Variants in ENC1 observed in about 807,000 individuals in gnomAD.
The protein encoded by ENC1 is ectoderm-neural cortex protein 1.
ENC1 carries 19 observed loss-of-function variants against 40.9 expected under a neutral mutation model. The observed-to-expected ratio is 0.46, with a 90% CI of 0.32 to 0.68. The LOEUF is 0.68. Ranked by LOEUF, ENC1 falls within the 30% of genes least tolerant of loss-of-function variation. The pLI is 0.03. For missense variants in ENC1, 479 were observed against 737.5 expected (o/e 0.65, Z 4.06); for synonymous variants, 285 against 291.1 (o/e 0.98, Z 0.21).
Position 74,636,243 on chromosome 5 carries a change from C to G in ENC1, c.243G>C (p.Glu81Asp). ...CAAAGTTGACCTCACTGTCCTGGCTCTCTTTCAGGCCACCACTGAACATGG... is the reference window on the plus strand; with the variant it reads ...CAAAGTTGACCTCACTGTCCTGGCTGTCTTTCAGGCCACCACTGAACATGG... ...FEAMFSGGLK[E>D]SQDSEVNFDN... Residue 81 changes from glutamate to aspartate, a missense_variant, in exon 2 of 3, where the codon GAG (glutamate) becomes GAC (aspartate). Physicochemically the swap from Glu to Asp is conservative, Grantham distance 45. Coordinates refer to ENST00000302351, the MANE Select transcript of ENC1 (RefSeq NM_003633.4). This position sits in a 1 kb window ranked among gnomAD's most constrained non-coding sequence, Gnocchi z 4.8. 6.2e-7 allele frequency: 1 copy of G among 1,614,224 alleles called. No homozygotes were observed. Among genetic ancestry groups the G allele is most frequent in the Non-Finnish European group, 8.5e-7 (1 of 1,180,040 alleles).
intron 2 of ENC1, among the ~76,000 whole-genome samples, chr5:74,633,606 C>G (rs1473322577): frequency 1.3e-5 from 2 of 152,154 alleles, no homozygotes; most frequent in Non-Finnish European, 2.9e-5. Context: ...TGAATTTGAG[C>G]AATACATTTT....
At position 74,635,621 on chromosome 5, in the gene ENC1, G is replaced by A. The variant is rs1418237287; in HGVS notation, c.865C>T (p.Arg289Ter). ...NDGVVTSLCA[R>*]PRKTGHALFL... ...AGGGCATGGCCAGTTTTCCGAGGTC[G>A]GGCACAGAGGCTGGTTACCACACCG... Residue 289 changes from arginine to a stop codon, truncating the protein, a stop_gained, in exon 2 of 3, where the codon CGA becomes TGA. Transcript: ENST00000302351. LOFTEE classifies it high-confidence loss of function. The surrounding 1 kb of genome is among the most constrained non-coding windows in gnomAD (Gnocchi z 5.5). The A allele has an allele frequency of 3.1e-6, 5 of 1,614,162 alleles. No homozygotes were observed. Among genetic ancestry groups the A allele is most frequent in the Non-Finnish European group, 4.2e-6 (5 of 1,180,024 alleles).
intron 2 of ENC1, among the ~76,000 whole-genome samples, chr5:74,633,739 C>G (rs892609330): frequency 6.6e-6 from 1 of 152,202 alleles, no homozygotes; most frequent in African/African-American, 2.4e-5. Flanking sequence ...CAGTGCAACA[C>G]GATGCTCCAG....
rs567769262 is a variant in ENC1 at position 74,637,935 on chromosome 5, G to A, written c.-13-1437C>T. On this transcript the variant is annotated intron_variant, in intron 1 of 2. Transcript: ENST00000302351. Reference sequence around the variant, plus strand: ...TTCAGTAAGAAAACAGTAGGGTAGAGACATAGGAAATGCTTGTCACCCATC... The same window carrying A: ...TTCAGTAAGAAAACAGTAGGGTAGAAACATAGGAAATGCTTGTCACCCATC... Among the ~76,000 whole-genome samples, 42 of 152,248 alleles carry A rather than the reference G, an allele frequency of 2.8e-4. 1 individual carries two copies. The South Asian group carries it at 8.3e-3, about 30-fold the overall frequency.
rs370857553 is a variant in ENC1 at position 74,631,383 on chromosome 5, T to C, written c.*33-1391A>G. 1.4e-4 allele frequency among the ~76,000 whole-genome samples: 21 copies of C among 152,320 alleles called. No homozygotes were observed. In the East Asian group the frequency reaches 3.7e-3, roughly 27 times the overall value. ...CTTTAAGACCTAGGGAAACTTTCTGTTAAACACTCTATTAATTCCGTTAGC... is the reference window on the plus strand; with the variant it reads ...CTTTAAGACCTAGGGAAACTTTCTGCTAAACACTCTATTAATTCCGTTAGC... On this transcript the variant is annotated intron_variant, in intron 2 of 2. Coordinates refer to ENST00000302351, the MANE Select transcript of ENC1 (RefSeq NM_003633.4).
rs778656065 is a variant in ENC1 at position 74,635,160 on chromosome 5, G to C, written c.1326C>G (p.Ala442=). ...CTCCGAAAGCAAATAACTTAAGTTTGGCACTCACTACTGCGGCGTTGCTAA... is the reference window on the plus strand; with the variant it reads ...CTCCGAAAGCAAATAACTTAAGTTTCGCACTCACTACTGCGGCGTTGCTAA... The part of the protein sequence containing the change: ...EGVSNAAVVS[A]KLKLFAFGGT... Residue 442 remains alanine (A), a synonymous_variant, in exon 2 of 3, where the codon GCC becomes GCG. Coordinates refer to ENST00000302351, the MANE Select transcript of ENC1 (RefSeq NM_003633.4). This position sits in a 1 kb window ranked among gnomAD's most constrained non-coding sequence, Gnocchi z 5.5. 1 of 1,614,210 alleles carries C rather than the reference G, an allele frequency of 6.2e-7. No individual in the cohort carries two copies. The highest frequency in any genetic ancestry group is 2.2e-5 in the East Asian group (1 of 44,890).
chr5:74,634,215 C>T (rs1395239668), intron 2 of ENC1, among the ~76,000 whole-genome samples: 1 of 152,030 alleles, frequency 6.6e-6, no homozygotes, highest in Admixed American at 6.5e-5. Flanking sequence ...AGATCAAGAC[C>T]ATCCTGGCCA....
At chr5:74,630,467 T>C (rs1341894973) in intron 2 of ENC1, among the ~76,000 whole-genome samples, 3 of 152,184 alleles carry the variant, frequency 2.0e-5, no homozygotes, top group South Asian at 2.1e-4. Context: ...CATGAAAGAT[T>C]CCAAATTAAC....
At position 74,636,728 on chromosome 5, in the gene ENC1, A is replaced by T. The variant is rs1193578978; in HGVS notation, c.-13-230T>A. 2.5e-5 allele frequency among the ~76,000 whole-genome samples: 1 copy of T among 39,594 alleles called. No homozygotes were observed. The highest frequency in any genetic ancestry group is 8.1e-5 in the African/African-American group (1 of 12,390). The allele number at this position is 39,594 out of a possible 152,430, so 26.0% of individuals were successfully genotyped here. The stretch of plus-strand genomic sequence containing the variant: ...AGCTATTTGAACTCTGCACTGTTTA[A>T]AAAAAAAAAAAAAATCACTGCATAA... On this transcript the variant is annotated intron_variant, in intron 1 of 2. Transcript: ENST00000302351. The surrounding 1 kb of genome is among the most constrained non-coding windows in gnomAD (Gnocchi z 4.8).
intron 1 of ENC1, among the ~76,000 whole-genome samples, chr5:74,638,742 T>C (rs1048641920): frequency 2.0e-5 from 3 of 152,234 alleles, no homozygotes; most frequent in African/African-American, 7.2e-5. Context: ...AGGAAGACTT[T>C]AAACCTAAAC....
intron 2 of ENC1, among the ~76,000 whole-genome samples, chr5:74,634,384 C>T (rs2112025324): frequency 6.6e-6 from 1 of 152,098 alleles, no homozygotes; most frequent in Middle Eastern, 3.4e-3. Flanking sequence ...TGCACTCTAG[C>T]CTGGGTGACA....
chr5:74,629,045 C>G lies in ENC1; in HGVS notation c.*980G>C, dbSNP rs1478515881. On this transcript the variant is annotated 3_prime_UTR_variant, in exon 3 of 3. Transcript: ENST00000302351. The stretch of plus-strand genomic sequence containing the variant: ...CCTCCCCTTACCCTATCAGCACAAC[C>G]AAACCCCATGAAATCCCATTAAAAG... The G allele has an allele frequency of 6.6e-6, 1 of 152,118 alleles. No homozygotes were observed. Among genetic ancestry groups the G allele is most frequent in the Non-Finnish European group, 1.5e-5 (1 of 68,030 alleles). 9.4% of individuals were successfully genotyped at this position (152,118 alleles called of 1,614,324 possible).
At chr5:74,633,617 T>A (rs182141472) in intron 2 of ENC1, among the ~76,000 whole-genome samples, 1 of 152,384 alleles carries the variant, frequency 6.6e-6, no homozygotes, top group African/African-American at 2.4e-5. Context: ...AATACATTTT[T>A]AAACCCTAAT....
rs1448852757 is a variant in ENC1, at chr5:74,629,233, T to G, written c.*792A>C. 6.6e-6 allele frequency: 1 copy of G among 152,202 alleles called. No individual in the cohort carries two copies. Among genetic ancestry groups the G allele is most frequent in the Admixed American group, 6.5e-5 (1 of 15,278 alleles). 9.4% of individuals were successfully genotyped at this position (152,202 alleles called of 1,614,324 possible). A position where few individuals can be genotyped will look rare whatever the true frequency, so the allele number is the denominator to read the frequency against. ...AATTGTAACTCAAAAATTTTCATGTTTGTGCAGCAAAGCACATCTCAACAG... is the reference window on the plus strand; with the variant it reads ...AATTGTAACTCAAAAATTTTCATGTGTGTGCAGCAAAGCACATCTCAACAG... On this transcript the variant is annotated 3_prime_UTR_variant, in exon 3 of 3. Coordinates refer to ENST00000302351, the MANE Select transcript of ENC1 (RefSeq NM_003633.4).
At chr5:74,633,538 AC>A (rs1459749340) in intron 2 of ENC1, among the ~76,000 whole-genome samples, 1 of 152,266 alleles carries the variant, frequency 6.6e-6, no homozygotes, top group Admixed American at 6.5e-5. Context: ...AAAGGGGGCT[AC>A]TTTTTAAGTA....
rs1747622597 is a variant in ENC1 at position 74,636,957 on chromosome 5, G to A, written c.-13-459C>T. Reference sequence around the variant, plus strand: ...ATGGGCACTGGCTTTCATGCCCCATGCAACATAAAGCCATGCGTAAAACAA... The same window carrying A: ...ATGGGCACTGGCTTTCATGCCCCATACAACATAAAGCCATGCGTAAAACAA... On this transcript the variant is annotated intron_variant, in intron 1 of 2. Transcript: ENST00000302351. The surrounding 1 kb of genome is among the most constrained non-coding windows in gnomAD (Gnocchi z 4.8). 6.6e-6 allele frequency among the ~76,000 whole-genome samples: 1 copy of A among 152,166 alleles called. No individual in the cohort carries two copies. Among genetic ancestry groups the A allele is most frequent in the Admixed American group, 6.5e-5 (1 of 15,276 alleles).
rs142002005 is a variant in ENC1, at chr5:74,636,374, G to T, written c.112C>A (p.Leu38Ile). 5.5e-4 allele frequency: 880 copies of T among 1,614,076 alleles called. 2 individuals carry two copies. Among genetic ancestry groups the T allele is most frequent in the Non-Finnish European group, 6.9e-4 (817 of 1,180,042 alleles). ...GTGAAGAGACGCTGCTGGCGTAAAA[G>T]ATTCAGGTGAGTGAGGACGCTGTCA... ...YADSVLTHLN[L>I]LRQQRLFTDV... Residue 38 changes from leucine (L) to isoleucine (I), a missense_variant, in exon 2 of 3, where the codon CTT becomes ATT. Physicochemically the swap from Leu to Ile is conservative, Grantham distance 5 (BLOSUM62 2). Transcript: ENST00000302351. The surrounding 1 kb of genome is among the most constrained non-coding windows in gnomAD (Gnocchi z 4.8).
In ENC1 at chr5:74,640,601, G is replaced by A. The variant is rs1195174195; in HGVS notation, c.-308C>T. On this transcript the variant is annotated 5_prime_UTR_variant, in exon 1 of 3. Coordinates refer to ENST00000302351, the MANE Select transcript of ENC1 (RefSeq NM_003633.4). ...TGCCACTGCAGGCGCCGCGGAAGGAGGCGGGCTGTGCGCTCGGGGGAGGGA... is the reference window on the plus strand; with the variant it reads ...TGCCACTGCAGGCGCCGCGGAAGGAAGCGGGCTGTGCGCTCGGGGGAGGGA... 6.6e-6 allele frequency: 1 copy of A among 152,406 alleles called. No homozygotes were observed. 9.4% of individuals were successfully genotyped at this position (152,406 alleles called of 1,614,324 possible).
At position 74,640,697 on chromosome 5, in the gene ENC1, C is replaced by G. The variant is rs909058909; in HGVS notation, c.-404G>C. 2 of 152,644 alleles carry G rather than the reference C, an allele frequency of 1.3e-5. No individual in the cohort carries two copies. Among genetic ancestry groups the G allele is most frequent in the African/African-American group, 4.8e-5 (2 of 41,466 alleles). The allele number at this position is 152,644 out of a possible 1,614,324, so 9.5% of individuals were successfully genotyped here. On this transcript the variant is annotated 5_prime_UTR_variant, in exon 1 of 3. Transcript: ENST00000302351. Reference sequence around the variant, plus strand: ...GGGTCTCCGCAGCGCCACCGCCGCACCGCCTCCTCTCCGGCTGCCAGAGCA... The same window carrying G: ...GGGTCTCCGCAGCGCCACCGCCGCAGCGCCTCCTCTCCGGCTGCCAGAGCA...
Sources: allele counts gnomAD v4.1 joint callset (sites outside exome capture counted in the v4.1 genomes callset), GRCh38; gene constraint gnomAD v4.1.1; non-coding constraint Gnocchi (gnomAD v3.1); transcripts MANE v1.5; gene names NCBI Gene and HGNC (gene_info 2026-07-23, HGNC 2026-07-21).